GALNTL6: variants seen among roughly 807,000 people sequenced by gnomAD.
The protein encoded by GALNTL6 is polypeptide N-acetylgalactosaminyltransferase like 6.
Under a neutral mutation model 73.7 loss-of-function variants are expected in GALNTL6, and 46 were observed. The observed-to-expected ratio is 0.62, with a 90% CI of 0.49 to 0.80. GALNTL6 has a LOEUF of 0.80. GALNTL6 is among the 30% of genes least tolerant of loss of function. The probability of loss-of-function intolerance (pLI) is 0.00; values close to 1 mark genes in which losing one functional copy is unlikely to be tolerated. For missense variants in GALNTL6, 604 were observed against 755.0 expected, an observed-to-expected ratio of 0.80 and a Z score of 2.34; for synonymous variants, 259 against 263.7, an observed-to-expected ratio of 0.98 and a Z score of 0.17.
At chr4:172,343,498 T>C (rs1392993613) in intron 4 of GALNTL6, among the ~76,000 whole-genome samples, 1 of 152,206 alleles carries the variant, frequency 6.6e-6, no homozygotes, top group African/African-American at 2.4e-5. Context: ...GTAATTAAAA[T>C]TTATTTTGTG....
intron 2 of GALNTL6, among the ~76,000 whole-genome samples, chr4:172,065,952 C>T (rs998652009): frequency 1.3e-5 from 2 of 152,138 alleles, no homozygotes; most frequent in African/African-American, 4.8e-5. Flanking sequence ...CACCTGGTCC[C>T]ACCCTTGACA....
intron 5 of GALNTL6, among the ~76,000 whole-genome samples, chr4:172,714,814 C>A (rs1052290700): frequency 5.9e-5 from 9 of 151,882 alleles, no homozygotes; most frequent in African/African-American, 2.2e-4. Flanking sequence ...AAGGGCTATG[C>A]CATCTTAGAA....
At chr4:171,820,716 T>C (rs522252) in intron 2 of GALNTL6, among the ~76,000 whole-genome samples, 148,062 of 152,234 alleles carry the variant, frequency 0.97, 72,148 homozygotes, top group Middle Eastern at 1. Context: ...GAGGATTTAG[T>C]CTGTTAGTAT....
chr4:173,035,467 C>T (rs957771520), intron 12 of GALNTL6, among the ~76,000 whole-genome samples: 13 of 152,196 alleles, frequency 8.5e-5, no homozygotes, highest in Non-Finnish European at 1.2e-4. Context: ...CATGAGCCAC[C>T]GCGCCTGGCC....
intron 8 of GALNTL6, among the ~76,000 whole-genome samples, chr4:172,923,428 C>T (rs529657519): frequency 1.3e-5 from 2 of 152,266 alleles, no homozygotes; most frequent in Non-Finnish European, 2.9e-5. Flanking sequence ...GTCCCTACCA[C>T]TACACTTGGG....
In GALNTL6 at chr4:171,986,064, T is replaced by C. The variant is rs1190867268; in HGVS notation, c.138+171346T>C. Among the ~76,000 whole-genome samples the C allele has an allele frequency of 2.7e-5, 4 of 150,034 alleles. No individual in the cohort carries two copies. The East Asian group carries it at 7.9e-4, about 30-fold the overall frequency. Reference sequence around the variant, plus strand: ...AAAAAAAAAAAAAAAAAAACACTTCTGTCCAATTGGAAAATTGGTATCTTT... The same window carrying C: ...AAAAAAAAAAAAAAAAAAACACTTCCGTCCAATTGGAAAATTGGTATCTTT... On this transcript the variant is annotated intron_variant, in intron 2 of 12. Transcript: ENST00000506823.
At chr4:171,824,311 G>T (rs1734769666) in intron 2 of GALNTL6, among the ~76,000 whole-genome samples, 1 of 151,782 alleles carries the variant, frequency 6.6e-6, no homozygotes, top group Non-Finnish European at 1.5e-5. Context: ...TATGCACAGT[G>T]GTGAAGGGCA....
At chr4:173,014,934 T>C (rs986656006) in intron 11 of GALNTL6, among the ~76,000 whole-genome samples, 2 of 152,184 alleles carry the variant, frequency 1.3e-5, no homozygotes, top group African/African-American at 2.4e-5. Flanking sequence ...ATAATCCCCA[T>C]GTGTCATGGG....
chr4:171,884,532 A>G (rs936704984), intron 2 of GALNTL6, among the ~76,000 whole-genome samples: 7 of 151,600 alleles, frequency 4.6e-5, no homozygotes, highest in Non-Finnish European at 8.8e-5. Flanking sequence ...ATATACATAT[A>G]TAGTATATAT....
intron 2 of GALNTL6, among the ~76,000 whole-genome samples, chr4:171,898,406 A>C (rs1366665555): frequency 6.6e-6 from 1 of 152,168 alleles, no homozygotes; most frequent in African/African-American, 2.4e-5. Context: ...ATGTATGTGA[A>C]TATCCTTAAA....
chr4:172,979,662 C>T (rs1044768147), intron 10 of GALNTL6, among the ~76,000 whole-genome samples: 4 of 152,172 alleles, frequency 2.6e-5, no homozygotes, highest in Non-Finnish European at 5.9e-5. Context: ...TTCAAATATT[C>T]ACCTGGCTTT....
intron 5 of GALNTL6, among the ~76,000 whole-genome samples, chr4:172,457,024 C>T (rs931378274): frequency 1.3e-5 from 2 of 152,088 alleles, no homozygotes; most frequent in African/African-American, 2.4e-5. Flanking sequence ...CCCTACAAGC[C>T]AGAAGAGAGT....
chr4:172,474,246 T>C (rs1029781293), intron 5 of GALNTL6, among the ~76,000 whole-genome samples: 2 of 152,150 alleles, frequency 1.3e-5, no homozygotes, highest in South Asian at 2.1e-4. Flanking sequence ...TCTGTGAGTC[T>C]TTCTCTGGAC....
At chr4:172,002,330 G>A (rs958606246) in intron 2 of GALNTL6, among the ~76,000 whole-genome samples, 3 of 152,100 alleles carry the variant, frequency 2.0e-5, no homozygotes, top group African/African-American at 7.2e-5. Flanking sequence ...TTATAAAAGA[G>A]GCCTCTGAGA....
At chr4:172,311,885 A>G (rs1740377544) in intron 4 of GALNTL6, 133 bp downstream of exon 4, 1 of 605,732 alleles carries the variant, frequency 1.7e-6, no homozygotes, top group African/African-American at 1.9e-5. Flanking sequence ...AAAAACTCAT[A>G]TTGCATCATC....
In GALNTL6 at chr4:172,198,782, TC is replaced by T. The variant is rs1330652957; in HGVS notation, c.139-30871del. 4.6e-5 allele frequency among the ~76,000 whole-genome samples: 7 copies of T among 152,182 alleles called. No individual in the cohort carries two copies. In the East Asian group the frequency reaches 1.3e-3, roughly 29 times the overall value. On this transcript the variant is annotated intron_variant, in intron 2 of 12. Transcript: ENST00000506823. The stretch of plus-strand genomic sequence containing the variant: ...TTAAAATCCAGTGCCTACTTGCCTC[TC>T]CCAGCATCAAACCCAAACCACAATG...
rs1443534267 is a variant in GALNTL6, at chr4:172,247,026, C to A, written c.247+17262C>A. On this transcript the variant is annotated intron_variant, in intron 3 of 12. Transcript: ENST00000506823. ...GTGATCCGAATTTCCCTGTGCCTCA[C>A]CCATCTATGGATGTAATGAGACCAT... 4.6e-5 allele frequency among the ~76,000 whole-genome samples: 7 copies of A among 152,106 alleles called. No homozygotes were observed. The East Asian group carries it at 1.4e-3, about 29-fold the overall frequency.
intron 2 of GALNTL6, among the ~76,000 whole-genome samples, chr4:172,039,775 C>A (rs114499202): frequency 0.034 from 5,127 of 152,076 alleles, 126 homozygotes; most frequent in African/African-American, 0.053. Flanking sequence ...GGTTAACATG[C>A]AATTGTCAGT....
chr4:172,985,612 G>GTT (rs947531731), intron 10 of GALNTL6, among the ~76,000 whole-genome samples: 1 of 151,442 alleles, frequency 6.6e-6, no homozygotes, highest in Non-Finnish European at 1.5e-5. Flanking sequence ...CGAAGACTAG[G>GTT]TTTTTTTTTA....
Sources: gnomAD v4.1 joint callset for allele counts (sites outside exome capture counted in the v4.1 genomes callset) on GRCh38, gnomAD v4.1.1 for gene constraint, MANE v1.5 for transcripts, NCBI Gene and HGNC (gene_info 2026-07-23, HGNC 2026-07-21) for gene names.